KANSL1: variants seen among roughly 807,000 people sequenced by gnomAD.
KANSL1 encodes KAT8 regulatory NSL complex subunit 1.
In KANSL1, 22 loss-of-function variants were observed where a neutral mutation model predicts 103.6. The ratio of observed to expected loss-of-function variants is 0.21; its 90% CI spans 0.15 to 0.30. The LOEUF (loss-of-function observed/expected upper bound fraction) is 0.30, where lower values mean the gene tolerates loss of function less well. Among genes scored for constraint, KANSL1 ranks in the 10% least tolerant of loss-of-function variants. The probability of loss-of-function intolerance (pLI) is 1.00; values close to 1 mark genes in which losing one functional copy is unlikely to be tolerated. For missense variants in KANSL1, 1,337 were observed against 1,399.8 expected (o/e 0.96, Z 0.72); for synonymous variants, 600 against 527.6 (o/e 1.14, Z -1.88).
intron 6 of KANSL1, among the ~76,000 whole-genome samples, chr17:46,056,096 C>CA (rs1257165034): frequency 2.0e-5 from 3 of 152,240 alleles, no homozygotes; most frequent in Admixed American, 2.0e-4. Flanking sequence ...TCTCCGGGTT[C>CA]AAGTGATTCT....
At chr17:46,115,993 T>C (rs1164707549) in intron 2 of KANSL1, among the ~76,000 whole-genome samples, 1 of 152,234 alleles carries the variant, frequency 6.6e-6, no homozygotes, top group South Asian at 2.1e-4. Context: ...TTATGGCACA[T>C]TTTCTGATTG....
At chr17:46,184,837 C>CTTTTTT (rs66507225) in intron 1 of KANSL1, among the ~76,000 whole-genome samples, 8 of 128,286 alleles carry the variant, frequency 6.2e-5, no homozygotes, top group Non-Finnish European at 4.8e-5. Flanking sequence ...AGAGTATGTA[C>CTTTTTT]TTTTTTTTTT....
chr17:46,127,975 C>G (rs939491496), intron 2 of KANSL1, among the ~76,000 whole-genome samples: 1 of 149,964 alleles, frequency 6.7e-6, no homozygotes, highest in African/African-American at 2.4e-5. Context: ...CCCAAACACC[C>G]CTTCCCTAAT....
intron 1 of KANSL1, among the ~76,000 whole-genome samples, chr17:46,190,813 G>C (rs965021351): frequency 2.6e-5 from 4 of 152,224 alleles, no homozygotes; most frequent in African/African-American, 7.2e-5. Flanking sequence ...ATCCAATTCA[G>C]AATTTCATGA....
intron 2 of KANSL1, among the ~76,000 whole-genome samples, chr17:46,152,141 T>G (rs973496914): frequency 6.6e-6 from 1 of 152,196 alleles, no homozygotes; most frequent in Non-Finnish European, 1.5e-5. Flanking sequence ...AAAACAAAAA[T>G]TGAAAACTAT....
In KANSL1 at chr17:46,084,697, T is replaced by TAAAAAAA. The variant is rs67108405; in HGVS notation, c.1432-2162_1432-2156dup. ...AACTCCACCTCAAAATTTTAAAAAT[T>TAAAAAAA]AAAAAAAAAAAAAAAAAAAAAAAAA... On this transcript the variant is annotated intron_variant, in intron 3 of 14. Transcript: ENST00000432791. 9.6e-3 allele frequency among the ~76,000 whole-genome samples: 712 copies of TAAAAAAA among 74,462 alleles called. 1 individual carries two copies. The highest frequency in any genetic ancestry group is 0.012 in the South Asian group (19 of 1,622). The allele number at this position is 74,462 out of a possible 152,430, so 48.8% of individuals were successfully genotyped here.
upstream of KANSL1, chr17:46,225,265 C>T (rs944453150): frequency 6.6e-6 from 1 of 152,536 alleles, no homozygotes; most frequent in Admixed American, 6.5e-5. Context: ...TCTACCTCAC[C>T]ATCACCCTGG....
chr17:46,181,983 G>C (rs902467227), intron 1 of KANSL1, among the ~76,000 whole-genome samples: 2 of 151,850 alleles, frequency 1.3e-5, no homozygotes, highest in Non-Finnish European at 2.9e-5. Context: ...CTTCCTGCTT[G>C]AATTGTATAA....
chr17:46,060,012 T>A (rs1372188821), intron 6 of KANSL1, among the ~76,000 whole-genome samples: 2 of 147,268 alleles, frequency 1.4e-5, no homozygotes, highest in Non-Finnish European at 3.1e-5. Context: ...TGCATCTCAA[T>A]AAAATAATGA....
At chr17:46,186,492 A>G (rs1004129989) in intron 1 of KANSL1, among the ~76,000 whole-genome samples, 3 of 152,232 alleles carry the variant, frequency 2.0e-5, no homozygotes, top group African/African-American at 7.2e-5. Flanking sequence ...AGAAAAGTCA[A>G]TTAATGACTT....
chr17:46,173,681 C>A (rs1263948956), intron 1 of KANSL1, among the ~76,000 whole-genome samples: 1 of 152,208 alleles, frequency 6.6e-6, no homozygotes, highest in Non-Finnish European at 1.5e-5. Flanking sequence ...ACTGCTGGTA[C>A]ATTATTAGCA....
intron 8 of KANSL1, chr17:46,039,458 T>C (rs934134051): frequency 9.4e-5 from 57 of 605,386 alleles, no homozygotes; most frequent in Non-Finnish European, 8.2e-5. Flanking sequence ...CTCAATGCCA[T>C]GCCATTGCTG....
intron 2 of KANSL1, among the ~76,000 whole-genome samples, chr17:46,167,042 G>C (rs1394348712): frequency 7.1e-6 from 1 of 140,862 alleles, no homozygotes; most frequent in Non-Finnish European, 1.5e-5. Flanking sequence ...GGGACAGAGA[G>C]AAAAAAAGAA....
chr17:46,146,726 G>A (rs1321649560), intron 2 of KANSL1, among the ~76,000 whole-genome samples: 1 of 142,670 alleles, frequency 7.0e-6, no homozygotes, highest in Non-Finnish European at 1.6e-5. Flanking sequence ...CCAGCTACTT[G>A]GGAGGCTGAG....
At chr17:46,125,073 G>A (rs1598688537) in intron 2 of KANSL1, among the ~76,000 whole-genome samples, 1 of 42,822 alleles carries the variant, frequency 2.3e-5, no homozygotes, top group East Asian at 4.8e-4. Context: ...GAGGGAGGAG[G>A]GAGGGAGGGA....
chr17:46,111,668 G>C (rs987817798), intron 2 of KANSL1, among the ~76,000 whole-genome samples: 3 of 152,202 alleles, frequency 2.0e-5, no homozygotes, highest in African/African-American at 7.2e-5. Flanking sequence ...ACATGGCAAC[G>C]TAATATGCAA....
intron 2 of KANSL1, among the ~76,000 whole-genome samples, chr17:46,130,534 A>ACT (rs142524806): frequency 0.14 from 21,643 of 151,910 alleles, 2,117 homozygotes; most frequent in Non-Finnish European, 0.22. Context: ...TTTCATACAT[A>ACT]CAAACAGTTC....
intron 3 of KANSL1, among the ~76,000 whole-genome samples, chr17:46,089,304 T>C (rs1301797391): frequency 1.3e-5 from 2 of 152,264 alleles, no homozygotes; most frequent in Admixed American, 6.5e-5. Flanking sequence ...AAAGGGACTC[T>C]ACTCACTTCA....
At chr17:46,146,932 A>G (rs2044740688) in intron 2 of KANSL1, among the ~76,000 whole-genome samples, 1 of 152,028 alleles carries the variant, frequency 6.6e-6, no homozygotes, top group Non-Finnish European at 1.5e-5. Flanking sequence ...GGCTGGGCAC[A>G]GTGGTGCACA....
Sources: gnomAD v4.1 joint callset for allele counts (sites outside exome capture counted in the v4.1 genomes callset) on GRCh38, gnomAD v4.1.1 for gene constraint, MANE v1.5 for transcripts, NCBI Gene and HGNC (gene_info 2026-07-23, HGNC 2026-07-21) for gene names.